NOX4: variants seen among roughly 807,000 people sequenced by gnomAD.
NOX4 encodes kidney oxidase-1.
A neutral mutation model predicts 87.6 loss-of-function variants in NOX4; 69 were observed. The ratio of observed to expected loss-of-function variants is 0.79; its 90% CI spans 0.65 to 0.96. NOX4 has a LOEUF of 0.96. Among genes scored for constraint, NOX4 ranks in the 40% least tolerant of loss-of-function variants. The pLI, the probability that NOX4 is intolerant of heterozygous loss-of-function variation, is 0.00. For missense variants in NOX4, 680 were observed against 681.5 expected, an observed-to-expected ratio of 1.00 and a Z score of 0.02; for synonymous variants, 275 against 238.2, an observed-to-expected ratio of 1.15 and a Z score of -1.42.
the NOX4 span, among the ~76,000 whole-genome samples, chr11:89,572,527 T>TTTTG: frequency 0.046 from 6,990 of 152,018 alleles, 529 homozygotes; most frequent in African/African-American, 0.15. Context: ...TTATATGTTT[T>TTTTG]TTTGTTTGTT....
rs568239711 is a variant in NOX4, at chr11:89,421,928, G to A, written c.603C>T (p.Tyr201=). 1.9e-6 allele frequency: 3 copies of A among 1,572,784 alleles called. No individual in the cohort carries two copies. In the South Asian group the frequency reaches 3.6e-5, roughly 19 times the overall value. The change falls in exon 8 of 18, where the codon TAC becomes TAT. Residue 201 remains tyrosine (Y), a synonymous_variant. Transcript: ENST00000263317. ...WYTHNLFFVF[Y]MLLTLHVSGG... ...CTGAAACATGCAACGTCAGCAGCAT[G>A]TAGAAGACAAAGAAGAGGTTATGAG... is the stretch of plus-strand genomic sequence containing the variant.
At chr11:89,395,416 T>C (rs1941412783) in intron 11 of NOX4, among the ~76,000 whole-genome samples, 1 of 152,198 alleles carries the variant, frequency 6.6e-6, no homozygotes, top group Admixed American at 6.5e-5. Context: ...CTTTGCCAGA[T>C]TGGTAGATTG....
At position 89,422,024 on chromosome 11, in the gene NOX4, C is replaced by G. The variant is rs781136406; in HGVS notation, c.549-42G>C. ...ACTCATTTTAATGCTACTTTACATTCCATCTTACTAAAAATATCAAAAATA... is the reference window on the plus strand; with the variant it reads ...ACTCATTTTAATGCTACTTTACATTGCATCTTACTAAAAATATCAAAAATA... On this transcript the variant is annotated intron_variant, in intron 7 of 17. Coordinates refer to ENST00000263317, the MANE Select transcript of NOX4 (RefSeq NM_016931.5). 5 of 1,045,452 alleles carry G rather than the reference C, an allele frequency of 4.8e-6. No homozygotes were observed. The South Asian group carries it at 7.6e-5, about 16-fold the overall frequency. The allele number at this position is 1,045,452 out of a possible 1,614,324, so 64.8% of individuals were successfully genotyped here. A position where few individuals can be genotyped will look rare whatever the true frequency, so the allele number is the denominator to read the frequency against.
chr11:89,361,112 G>T (rs925321729), intron 12 of NOX4, among the ~76,000 whole-genome samples: 2 of 151,876 alleles, frequency 1.3e-5, no homozygotes, highest in African/African-American at 4.8e-5. Flanking sequence ...TCTACCCAAA[G>T]GAAAAGAAGT....
intron 17 of NOX4, among the ~76,000 whole-genome samples, chr11:89,333,467 A>C (rs183296275): frequency 2.5e-3 from 385 of 151,834 alleles, no homozygotes; most frequent in African/African-American, 9.0e-3. Flanking sequence ...CTTCTGTAAG[A>C]ATACATAACG....
chr11:89,467,215 G>A (rs934830367), intron 2 of NOX4, among the ~76,000 whole-genome samples: 1 of 151,412 alleles, frequency 6.6e-6, no homozygotes, highest in African/African-American at 2.4e-5. Context: ...GCTGGGCCTA[G>A]TGGCGGGCGC....
rs559146168 is a variant in NOX4, at chr11:89,389,858, A to G, written c.1074+10159T>C. ...CTAAATGTGTGACTTTGGGCATGCT[A>G]TTTAGTCTCTCTGAGCCACATTCTT... On this transcript the variant is annotated intron_variant, in intron 11 of 17. Transcript: ENST00000263317. 4.6e-5 allele frequency among the ~76,000 whole-genome samples: 7 copies of G among 152,266 alleles called. No homozygotes were observed. In the East Asian group the frequency reaches 1.2e-3, roughly 25 times the overall value.
chr11:89,493,178 A>G (rs1265510292), upstream of NOX4, among the ~76,000 whole-genome samples: 1 of 152,066 alleles, frequency 6.6e-6, no homozygotes, highest in African/African-American at 2.4e-5. Flanking sequence ...CGGAGTCAGG[A>G]GATGGAGGCC....
intron 15 of NOX4, among the ~76,000 whole-genome samples, chr11:89,338,876 C>T (rs796277932): frequency 7.9e-5 from 12 of 152,234 alleles, no homozygotes; most frequent in African/African-American, 2.2e-4. Context: ...ACTGTTTACG[C>T]TGCTTTACTC....
intron 11 of NOX4, among the ~76,000 whole-genome samples, chr11:89,389,996 C>T (rs1941017514): frequency 6.6e-6 from 1 of 152,100 alleles, no homozygotes; most frequent in Non-Finnish European, 1.5e-5. Flanking sequence ...TTAGTAGGTA[C>T]TATTATCTTT....
chr11:89,435,977 G>T (rs1346803595), intron 6 of NOX4, among the ~76,000 whole-genome samples: 1 of 152,084 alleles, frequency 6.6e-6, no homozygotes, highest in African/African-American at 2.4e-5. Context: ...CAATTAGCAA[G>T]GGCAGAAAAG....
chr11:89,400,476 AT>A, intron 9 of NOX4, 97 bp from the exon 10 acceptor site: 1 of 717,296 alleles, frequency 1.4e-6, no homozygotes, highest in South Asian at 4.7e-5. Flanking sequence ...CAGTAATAGT[AT>A]TTTAATTTGT....
At chr11:89,372,198 C>G (rs1473650863) in intron 12 of NOX4, among the ~76,000 whole-genome samples, 2 of 151,804 alleles carry the variant, frequency 1.3e-5, no homozygotes, top group African/African-American at 4.8e-5. Flanking sequence ...GCCTCCTTCC[C>G]CTCTGCCTTT....
chr11:89,588,833 C>T, the NOX4 span, among the ~76,000 whole-genome samples: 1 of 152,096 alleles, frequency 6.6e-6, no homozygotes, highest in African/African-American at 2.4e-5. Flanking sequence ...GTGGCTCCTA[C>T]CCACAGAGGA....
chr11:89,395,333 C>T (rs527725851), intron 11 of NOX4, among the ~76,000 whole-genome samples: 1 of 152,210 alleles, frequency 6.6e-6, no homozygotes, highest in South Asian at 2.1e-4. Context: ...ATTCTTTGCC[C>T]ACTTTATGAT....
rs548990951 is a variant in NOX4 at position 89,423,002 on chromosome 11, G to A, written c.549-1020C>T. Reference sequence around the variant, plus strand: ...CTTGGTAGAGATGGGGTTTCACCATGTTGGCCAGGCTGGTCTCGAACTCCT... The same window carrying A: ...CTTGGTAGAGATGGGGTTTCACCATATTGGCCAGGCTGGTCTCGAACTCCT... On this transcript the variant is annotated intron_variant, in intron 7 of 17. Coordinates refer to ENST00000263317, the MANE Select transcript of NOX4 (RefSeq NM_016931.5). 4.6e-5 allele frequency among the ~76,000 whole-genome samples: 7 copies of A among 152,032 alleles called. No individual in the cohort carries two copies. In the South Asian group the frequency reaches 6.2e-4, roughly 14 times the overall value.
intron 2 of NOX4, among the ~76,000 whole-genome samples, chr11:89,463,014 T>C (rs1945539879): frequency 6.6e-6 from 1 of 151,950 alleles, no homozygotes; most frequent in East Asian, 1.9e-4. Flanking sequence ...GGTGTATGTA[T>C]GGATATTCAT....
intron 12 of NOX4, among the ~76,000 whole-genome samples, chr11:89,359,438 T>C (rs1591016380): frequency 6.7e-6 from 1 of 148,960 alleles, no homozygotes; most frequent in South Asian, 2.1e-4. Context: ...TGGAGTGCAG[T>C]GGCATGATCT....
chr11:89,332,474 T>C (rs190421624), intron 17 of NOX4, among the ~76,000 whole-genome samples: 2 of 152,054 alleles, frequency 1.3e-5, no homozygotes, highest in African/African-American at 2.4e-5. Flanking sequence ...TTGGGTTAGA[T>C]ATAATAAATA....
Sources: allele counts gnomAD v4.1 joint callset (sites outside exome capture counted in the v4.1 genomes callset), GRCh38; gene constraint gnomAD v4.1.1; transcripts MANE v1.5; gene names NCBI Gene and HGNC (gene_info 2026-07-23, HGNC 2026-07-21).